NLGN1: variants seen among roughly 807,000 people sequenced by gnomAD.
NLGN1 encodes neuroligin 1.
NLGN1 carries 12 observed loss-of-function variants against 65.5 expected under a neutral mutation model. The observed-to-expected ratio is 0.18, with a 90% confidence interval of 0.12 to 0.30. NLGN1 has a LOEUF of 0.30. Ranked by LOEUF, NLGN1 falls within the 10% of genes least tolerant of loss-of-function variation. The pLI, the probability that NLGN1 is intolerant of heterozygous loss-of-function variation, is 1.00. For synonymous variants in NLGN1, 350 were observed against 359.5 expected, an observed-to-expected ratio of 0.97 and a Z score of 0.30; for missense variants, 750 against 1,007.1, an observed-to-expected ratio of 0.74 and a Z score of 3.46.
chr3:173,572,280 A>G (rs1013443190), intron 2 of NLGN1, among the ~76,000 whole-genome samples: 4 of 152,352 alleles, frequency 2.6e-5, no homozygotes, highest in African/African-American at 9.6e-5. Context: ...TCCCCTCCCA[A>G]GGGATCCAAG....
chr3:174,280,705 C>T lies in NLGN1; in HGVS notation c.1874C>T (p.Thr625Ile), dbSNP rs1401038783. 6.2e-7 allele frequency: 1 copy of T among 1,613,344 alleles called. No homozygotes were observed. Among genetic ancestry groups the T allele is most frequent in the Non-Finnish European group, 8.5e-7 (1 of 1,179,552 alleles). The change falls in exon 7 of 7, where the codon ACA (threonine) becomes ATA (isoleucine). Residue 625 changes from threonine (T) to isoleucine (I), a missense_variant. Transcript: ENST00000457714. This position sits in a 1 kb window ranked among gnomAD's most constrained non-coding sequence, Gnocchi z 4.9. ...AATGACATTTCTCAGTATACCTCTA[C>T]AACAACTAAAGTGCCATCAACTGAC...
At chr3:174,281,350 G>T in exon 7 of NLGN1, 1 of 1,187,272 alleles carries the variant, frequency 8.4e-7, no homozygotes. Flanking sequence ...TGCAGTAAAC[G>T]ATCACTGAAG....
intron 5 of NLGN1, 96 bp downstream of exon 5, chr3:174,275,623 G>A: frequency 1.3e-6 from 1 of 745,188 alleles, no homozygotes; most frequent in Non-Finnish European, 2.3e-6. Flanking sequence ...TGTTCAAACT[G>A]AGTGTTAGGT....
At chr3:174,156,692 T>A (rs1315872285) in intron 4 of NLGN1, among the ~76,000 whole-genome samples, 1 of 151,760 alleles carries the variant, frequency 6.6e-6, no homozygotes, top group Non-Finnish European at 1.5e-5. Context: ...AAGTACAGTT[T>A]GTAGTGTGCA....
chr3:173,729,237 T>C (rs1279123290), intron 3 of NLGN1, among the ~76,000 whole-genome samples: 1 of 152,044 alleles, frequency 6.6e-6, no homozygotes, highest in South Asian at 2.1e-4. Flanking sequence ...TCCCAGAAAA[T>C]GTATTTTCAG....
chr3:174,175,307 A>G (rs1225631125), intron 4 of NLGN1, among the ~76,000 whole-genome samples: 1 of 151,676 alleles, frequency 6.6e-6, no homozygotes, highest in African/African-American at 2.4e-5. Flanking sequence ...TATATATCTG[A>G]GTGTTCCAGT....
At position 173,620,071 on chromosome 3, in the gene NLGN1, T is replaced by A. The variant is rs1478828709; in HGVS notation, c.493+14980T>A. ...TGGAGTATTTCTCTAGGTGATAGGA[T>A]GTCATTGAGGGATTTAAGTAAAGGC... On this transcript the variant is annotated intron_variant, in intron 3 of 6. Coordinates refer to ENST00000457714, the Ensembl canonical transcript of NLGN1. 2.6e-5 allele frequency among the ~76,000 whole-genome samples: 4 copies of A among 152,038 alleles called. No individual in the cohort carries two copies. The East Asian group carries it at 7.7e-4, about 29-fold the overall frequency.
intron 3 of NLGN1, among the ~76,000 whole-genome samples, chr3:173,688,054 A>C (rs564750996): frequency 6.6e-6 from 1 of 152,236 alleles, no homozygotes; most frequent in Non-Finnish European, 1.5e-5. Context: ...CAGTTCATAC[A>C]CAAAATTGTA....
At chr3:174,020,622 TTTATA>T (rs1453623925) in intron 4 of NLGN1, among the ~76,000 whole-genome samples, 1 of 152,090 alleles carries the variant, frequency 6.6e-6, no homozygotes, top group Non-Finnish European at 1.5e-5. Flanking sequence ...AAGGATTAAT[TTTATA>T]TTATATTGGA....
chr3:173,800,336 C>T (rs1365108591), intron 3 of NLGN1: 12 of 1,215,258 alleles, frequency 9.9e-6, no homozygotes, highest in East Asian at 6.9e-5. Flanking sequence ...GTGATAATGA[C>T]GGTGCTGAAG....
At chr3:174,189,903 A>G (rs942082008) in intron 4 of NLGN1, among the ~76,000 whole-genome samples, 6 of 152,044 alleles carry the variant, frequency 3.9e-5, no homozygotes, top group African/African-American at 1.4e-4. Context: ...CCTGCCCTCC[A>G]GGGCCATTTT....
At chr3:173,919,056 C>A (rs1741395656) in intron 4 of NLGN1, among the ~76,000 whole-genome samples, 2 of 152,178 alleles carry the variant, frequency 1.3e-5, no homozygotes. Context: ...GATTCTCACT[C>A]TCCTACCTCT....
chr3:173,989,256 T>C (rs1347797705), intron 4 of NLGN1, among the ~76,000 whole-genome samples: 1 of 152,170 alleles, frequency 6.6e-6, no homozygotes, highest in Non-Finnish European at 1.5e-5. Flanking sequence ...AATCGCATGC[T>C]TGTACTCAGA....
At chr3:173,901,295 AAGT>A in intron 4 of NLGN1, among the ~76,000 whole-genome samples, 1 of 151,152 alleles carries the variant, frequency 6.6e-6, no homozygotes, top group East Asian at 2.0e-4. Flanking sequence ...ATACATAGAC[AAGT>A]TTCTGAAACC....
chr3:173,468,563 A>G (rs1476041680), intron 2 of NLGN1, among the ~76,000 whole-genome samples: 4 of 152,088 alleles, frequency 2.6e-5, no homozygotes, highest in Non-Finnish European at 2.9e-5. Flanking sequence ...TGGATACTCT[A>G]TTACCTAAAA....
chr3:173,703,074 G>T (rs1338479079), intron 3 of NLGN1, among the ~76,000 whole-genome samples: 2 of 142,772 alleles, frequency 1.4e-5, no homozygotes, highest in Non-Finnish European at 3.1e-5. Context: ...TGTTACTAGA[G>T]TTTTTTTTTT....
rs34662762 is a variant in NLGN1, at chr3:173,968,687, C to CTTTTTTTTTTT, written c.646+160874_646+160884dup. Among the ~76,000 whole-genome samples, 13 of 59,474 alleles carry CTTTTTTTTTTT rather than the reference C, an allele frequency of 2.2e-4. 1 individual carries two copies. Among genetic ancestry groups the CTTTTTTTTTTT allele is most frequent in the African/African-American group, 8.7e-4 (12 of 13,734 alleles). The allele number at this position is 59,474 out of a possible 152,430, so 39.0% of individuals were successfully genotyped here. Reference sequence around the variant, plus strand: ...ACACCCCACAATTACTGAAAATAATCTTTTTTTTTTTTTTTTTTTTTTTTT... The same window carrying CTTTTTTTTTTT: ...ACACCCCACAATTACTGAAAATAATCTTTTTTTTTTTTTTTTTTTTTTTTTTTTTTTTTTTT... On this transcript the variant is annotated intron_variant, in intron 4 of 6. Coordinates refer to ENST00000457714, the Ensembl canonical transcript of NLGN1.
chr3:173,772,200 A>T (rs1438987769), intron 3 of NLGN1, among the ~76,000 whole-genome samples: 4 of 152,268 alleles, frequency 2.6e-5, no homozygotes, highest in African/African-American at 9.6e-5. Context: ...CTTACCTTTA[A>T]TAGTGTATGG....
At chr3:173,811,028 C>G (rs1198581179) in intron 4 of NLGN1, among the ~76,000 whole-genome samples, 1 of 152,160 alleles carries the variant, frequency 6.6e-6, no homozygotes, top group African/African-American at 2.4e-5. Context: ...TGTTAGAGCT[C>G]CTGGCGACCT....
Sources: allele counts gnomAD v4.1 joint callset (sites outside exome capture counted in the v4.1 genomes callset), GRCh38; gene constraint gnomAD v4.1.1; non-coding constraint Gnocchi (gnomAD v3.1); transcripts MANE v1.5; gene names NCBI Gene and HGNC (gene_info 2026-07-23, HGNC 2026-07-21).